Variants in DNER observed in about 807,000 individuals in gnomAD.
DNER encodes the protein delta and Notch-like epidermal growth factor-related receptor.
DNER carries 33 observed loss-of-function variants against 78.2 expected under a neutral mutation model. The ratio of observed to expected loss-of-function variants is 0.42; its 90% CI spans 0.32 to 0.56. DNER has a LOEUF of 0.56. Ranked by LOEUF, DNER falls within the 20% of genes least tolerant of loss-of-function variation. The pLI is 0.11. For synonymous variants in DNER, 417 were observed against 384.8 expected (o/e 1.08, Z -0.98); for missense variants, 918 against 975.3 (o/e 0.94, Z 0.78).
chr2:229,362,920 G>A (rs767178596), intron 12 of DNER, among the ~76,000 whole-genome samples: 4 of 152,186 alleles, frequency 2.6e-5, no homozygotes, highest in Admixed American at 1.3e-4. Flanking sequence ...AAACAATGCC[G>A]CAGAAAGAAT....
chr2:229,653,041 T>C (rs953696715), intron 1 of DNER, among the ~76,000 whole-genome samples: 1 of 152,218 alleles, frequency 6.6e-6, no homozygotes, highest in African/African-American at 2.4e-5. Flanking sequence ...AGCATGCTAA[T>C]TTGGACCTGC....
intron 9 of DNER, among the ~76,000 whole-genome samples, chr2:229,410,561 T>A (rs910221642): frequency 6.6e-6 from 1 of 152,190 alleles, no homozygotes; most frequent in Admixed American, 6.5e-5. Context: ...CATCACCCAT[T>A]GGCAGAAGAC....
chr2:229,679,709 C>T (rs555464049), intron 1 of DNER, among the ~76,000 whole-genome samples: 1 of 152,158 alleles, frequency 6.6e-6, no homozygotes, highest in Non-Finnish European at 1.5e-5. Context: ...TTTGACAATG[C>T]CAATTCCTCT....
chr2:229,589,508 C>T (rs757263165), intron 2 of DNER, among the ~76,000 whole-genome samples: 4 of 152,194 alleles, frequency 2.6e-5, no homozygotes, highest in African/African-American at 7.2e-5. Flanking sequence ...TAATATGCCT[C>T]CTGGTTTCCA....
chr2:229,707,714 G>A (rs552681737), intron 1 of DNER, among the ~76,000 whole-genome samples: 1 of 152,364 alleles, frequency 6.6e-6, no homozygotes, highest in East Asian at 1.9e-4. Flanking sequence ...GATGCACATG[G>A]TGATTATTGA....
At chr2:229,684,070 G>A (rs1699433339) in intron 1 of DNER, among the ~76,000 whole-genome samples, 1 of 151,486 alleles carries the variant, frequency 6.6e-6, no homozygotes, top group Non-Finnish European at 1.5e-5. Flanking sequence ...TTTTCCAGAT[G>A]CTGCTGAGAA....
At chr2:229,656,213 G>A (rs1482420448) in intron 1 of DNER, among the ~76,000 whole-genome samples, 2 of 152,218 alleles carry the variant, frequency 1.3e-5, no homozygotes, top group Non-Finnish European at 2.9e-5. Flanking sequence ...GTGACCTGCA[G>A]TCTCATGGGA....
At chr2:229,384,557 A>C (rs1692818917) in intron 11 of DNER, among the ~76,000 whole-genome samples, 1 of 152,176 alleles carries the variant, frequency 6.6e-6, no homozygotes, top group Admixed American at 6.5e-5. Context: ...AGATAGACAC[A>C]ATAAAAATTG....
At chr2:229,649,326 G>A (rs1176683943) in intron 1 of DNER, among the ~76,000 whole-genome samples, 3 of 151,950 alleles carry the variant, frequency 2.0e-5, no homozygotes, top group Non-Finnish European at 2.9e-5. Context: ...ACATTTATAC[G>A]CTCATCAGTA....
chr2:229,415,216 C>T (rs1471920670), intron 9 of DNER, among the ~76,000 whole-genome samples: 1 of 152,024 alleles, frequency 6.6e-6, no homozygotes, highest in African/African-American at 2.4e-5. Flanking sequence ...GCAGTGGGGT[C>T]TCTGTCATAG....
chr2:229,517,803 T>G (rs1696010260), intron 5 of DNER, among the ~76,000 whole-genome samples: 1 of 152,182 alleles, frequency 6.6e-6, no homozygotes, highest in African/African-American at 2.4e-5. Flanking sequence ...GCTAAACACC[T>G]TACAACGAAC....
chr2:229,601,204 C>T (rs1402956260), intron 1 of DNER, among the ~76,000 whole-genome samples: 1 of 152,128 alleles, frequency 6.6e-6, no homozygotes, highest in Admixed American at 6.5e-5. Context: ...CCTTCTGAAA[C>T]GCAAATGAAC....
intron 1 of DNER, among the ~76,000 whole-genome samples, chr2:229,596,526 G>T (rs1419190226): frequency 6.6e-6 from 1 of 152,164 alleles, no homozygotes; most frequent in African/African-American, 2.4e-5. Flanking sequence ...CTGGTCCTCG[G>T]AGACCATCTC....
intron 11 of DNER, among the ~76,000 whole-genome samples, chr2:229,367,902 T>G (rs1273939226): frequency 6.6e-6 from 1 of 152,244 alleles, no homozygotes; most frequent in Non-Finnish European, 1.5e-5. Context: ...GCCTTATGTG[T>G]GAAGATGCTT....
intron 10 of DNER, among the ~76,000 whole-genome samples, chr2:229,396,446 A>G (rs1406066085): frequency 6.6e-6 from 1 of 152,074 alleles, no homozygotes; most frequent in Non-Finnish European, 1.5e-5. Context: ...AAAGTGAAGG[A>G]AAAAAATGAT....
intron 4 of DNER, among the ~76,000 whole-genome samples, chr2:229,564,808 G>T (rs1322737373): frequency 2.0e-5 from 3 of 152,112 alleles, no homozygotes; most frequent in Non-Finnish European, 4.4e-5. Context: ...GAGTTTGGTG[G>T]CTGTAATGAA....
chr2:229,669,692 A>T (rs1294645083), intron 1 of DNER, among the ~76,000 whole-genome samples: 1 of 152,016 alleles, frequency 6.6e-6, no homozygotes, highest in East Asian at 1.9e-4. Flanking sequence ...ATGGGAGTTC[A>T]CTCATGATTT....
intron 9 of DNER, among the ~76,000 whole-genome samples, chr2:229,414,050 A>T (rs6739449): frequency 0.055 from 8,371 of 151,968 alleles, 744 homozygotes; most frequent in African/African-American, 0.19. Flanking sequence ...AAAGCACAGG[A>T]TCATGTGGCC....
At chr2:229,650,425 T>C (rs937816992) in intron 1 of DNER, among the ~76,000 whole-genome samples, 3 of 152,190 alleles carry the variant, frequency 2.0e-5, no homozygotes, top group Admixed American at 6.5e-5. Context: ...GTTTTGCAAA[T>C]GAAAACACAT....
Sources: gnomAD v4.1 joint callset for allele counts (sites outside exome capture counted in the v4.1 genomes callset) on GRCh38, gnomAD v4.1.1 for gene constraint, MANE v1.5 for transcripts, NCBI Gene and HGNC (gene_info 2026-07-23, HGNC 2026-07-21) for gene names.